Variants in PHYKPL observed in about 807,000 individuals in gnomAD.
PHYKPL encodes 5-phosphonooxy-L-lysine phospho-lyase.
Under a neutral mutation model 51.3 loss-of-function variants are expected in PHYKPL, and 42 were observed. The ratio of observed to expected loss-of-function variants is 0.82; its 90% CI spans 0.64 to 1.06. PHYKPL has a LOEUF of 1.06. Among genes scored for constraint, PHYKPL ranks in the 50% least tolerant of loss-of-function variants. PHYKPL has a pLI of 0.00. For synonymous variants in PHYKPL, 264 were observed against 236.0 expected (o/e 1.12, Z -1.09); for missense variants, 655 against 586.6 (o/e 1.12, Z -1.20).
At chr5:178,230,290 G>C in intron 2 of PHYKPL, 191 bp from the exon 3 acceptor site, 1 of 630,412 alleles carries the variant, frequency 1.6e-6, no homozygotes, top group East Asian at 2.9e-5. Flanking sequence ...GAGTTCCTGA[G>C]ATTCTGGCAG....
chr5:178,217,224 A>C (rs1174430164), intron 8 of PHYKPL, among the ~76,000 whole-genome samples: 2 of 142,018 alleles, frequency 1.4e-5, no homozygotes, highest in African/African-American at 5.6e-5. Context: ...GAGGCTCAAC[A>C]GATTTTTTTT....
chr5:178,219,740 G>A (rs1463604607), intron 8 of PHYKPL, among the ~76,000 whole-genome samples: 6 of 151,348 alleles, frequency 4.0e-5, no homozygotes, highest in South Asian at 2.1e-4. Context: ...GTGAGCCACC[G>A]CACCCGACCA....
intron 8 of PHYKPL, among the ~76,000 whole-genome samples, chr5:178,217,867 A>C (rs1033540851): frequency 6.7e-6 from 1 of 149,468 alleles, no homozygotes; most frequent in African/African-American, 2.5e-5. Flanking sequence ...CAGAAAAAAA[A>C]AAAAAAAGTC....
chr5:178,229,714 A>C (rs1350169036), intron 3 of PHYKPL: 1 of 491,072 alleles, frequency 2.0e-6, no homozygotes, highest in African/African-American at 1.9e-5. Flanking sequence ...AAGCTCCAGC[A>C]ATGATCCTAG....
At chr5:178,207,691 C>CTT (rs34424574), downstream of PHYKPL, among the ~76,000 whole-genome samples, 161 of 78,678 alleles carry the variant, frequency 2.0e-3, no homozygotes, top group African/African-American at 2.3e-3. Context: ...ACTTTGAGCA[C>CTT]TTTTTTTTTT....
chr5:178,231,093 C>A (rs1197698302), intron 2 of PHYKPL, among the ~76,000 whole-genome samples: 1 of 152,190 alleles, frequency 6.6e-6, no homozygotes, highest in Admixed American at 6.5e-5. Context: ...CTGCCATGAC[C>A]CCAGCACTTG....
At chr5:178,217,428 C>G (rs375559975) in intron 8 of PHYKPL, among the ~76,000 whole-genome samples, 2 of 151,814 alleles carry the variant, frequency 1.3e-5, no homozygotes, top group East Asian at 3.9e-4. Context: ...ACTGTGTTGG[C>G]CAGGCTGGTC....
Position 178,222,534 on chromosome 5 carries a change from C to G in PHYKPL, c.748G>C (p.Val250Leu). 3 of 1,614,258 alleles carry G rather than the reference C, an allele frequency of 1.9e-6. No homozygotes were observed. Among genetic ancestry groups the G allele is most frequent in the Non-Finnish European group, 1.7e-6 (2 of 1,180,050 alleles). Residue 250 changes from valine to leucine, a missense_variant, in exon 8 of 13, where the codon GTT (valine) becomes CTT (leucine). Val to Leu is a conservative substitution (Grantham distance 32). Transcript: ENST00000308158. ...TGCTTGCCTACCCGGCCAAAGCCAACCTGGATCTCATCTGCAACAAAGACC... is the reference window on the plus strand; with the variant it reads ...TGCTTGCCTACCCGGCCAAAGCCAAGCTGGATCTCATCTGCAACAAAGACC... ...GGVFVADEIQ[V>L]GFGRVGKHFW... is the part of the protein sequence containing the mutation.
chr5:178,211,864 A>C lies in PHYKPL; in HGVS notation c.*31+26T>G, dbSNP rs1406532528. ...GGTAAGGAACCCGCTGTGCATCTTC[A>C]AGAGTAAGAAGCAAGGCCCACTCAC... On this transcript the variant is annotated intron_variant, in intron 12 of 12. Transcript: ENST00000308158. 4.5e-6 allele frequency: 7 copies of C among 1,544,320 alleles called. No individual in the cohort carries two copies. In the Admixed American group the frequency reaches 1.0e-4, roughly 22 times the overall value.
Position 178,214,334 on chromosome 5 carries a change from G to A in PHYKPL, c.1172+462C>T, listed in dbSNP as rs1759292908. On this transcript the variant is annotated intron_variant, in intron 10 of 12. Coordinates refer to ENST00000308158, the MANE Select transcript of PHYKPL (RefSeq NM_153373.4). The stretch of plus-strand genomic sequence containing the variant: ...GGAGTCTGAGTTCTGAGACACCCCC[G>A]ACCCAGCTTAGGAGCAGGAGTCTTG... Among the ~76,000 whole-genome samples, 6 of 152,138 alleles carry A rather than the reference G, an allele frequency of 3.9e-5. No homozygotes were observed. The South Asian group carries it at 8.3e-4, about 21-fold the overall frequency.
chr5:178,219,400 G>T (rs191274501), intron 8 of PHYKPL, among the ~76,000 whole-genome samples: 1 of 149,416 alleles, frequency 6.7e-6, no homozygotes, highest in Non-Finnish European at 1.5e-5. Flanking sequence ...ATTAAGCACT[G>T]GTAACTCAAT....
chr5:178,211,932 G>C lies in PHYKPL; in HGVS notation c.1342C>G (p.Leu448Val). Reference protein sequence around the residue: ...EKVRSCETLRLQP With the variant: ...EKVRSCETLRVQP Reference sequence around the variant, plus strand: ...AGAGCAGGGCTGGCTTAGGGCTGGAGCCTCAGCGTTTCACAACTTCTCACC... The same window carrying C: ...AGAGCAGGGCTGGCTTAGGGCTGGACCCTCAGCGTTTCACAACTTCTCACC... Residue 448 changes from leucine to valine, a missense_variant, in exon 12 of 13, where the codon CTC (leucine) becomes GTC (valine). Coordinates refer to ENST00000308158, the MANE Select transcript of PHYKPL (RefSeq NM_153373.4). 6.2e-7 allele frequency: 1 copy of C among 1,614,172 alleles called. No homozygotes were observed. Among genetic ancestry groups the C allele is most frequent in the Non-Finnish European group, 8.5e-7 (1 of 1,179,998 alleles).
intron 8 of PHYKPL, among the ~76,000 whole-genome samples, chr5:178,218,206 A>G (rs1211660889): frequency 5.6e-5 from 7 of 124,654 alleles, no homozygotes; most frequent in South Asian, 2.7e-4. Flanking sequence ...GACAGAGCGA[A>G]ACTCCGTCTC....
intron 6 of PHYKPL, chr5:178,223,310 C>G (rs1451627412): frequency 4.4e-6 from 2 of 453,070 alleles, no homozygotes; most frequent in Admixed American, 2.4e-5. Flanking sequence ...TGCCCTCTGC[C>G]TGGACATGCC....
Position 178,214,866 on chromosome 5 carries a change from C to A in PHYKPL, c.1102G>T (p.Gly368Cys). ...GDVRGVGLFI[G>C]VDLIKDEATR... ...GCCTCATCTTTGATCAGATCCACAC[C>A]AATGAAGAGCCCAACACCCCTGCAA... The change falls in exon 10 of 13, where the codon GGT becomes TGT. Residue 368 changes from glycine to cysteine, a missense_variant. Transcript: ENST00000308158. 1 of 1,613,692 alleles carries A rather than the reference C, an allele frequency of 6.2e-7. No individual in the cohort carries two copies. The highest frequency in any genetic ancestry group is 8.5e-7 in the Non-Finnish European group (1 of 1,180,000).
intron 3 of PHYKPL, among the ~76,000 whole-genome samples, chr5:178,229,057 GC>G (rs1430877708): frequency 6.6e-6 from 1 of 151,580 alleles, no homozygotes; most frequent in African/African-American, 2.4e-5. Context: ...CTTTCCACAG[GC>G]AGTTCTGTGT....
intron 11 of PHYKPL, 73 bp downstream of exon 11, chr5:178,212,900 A>G: frequency 3.8e-6 from 6 of 1,582,162 alleles, no homozygotes; most frequent in Non-Finnish European, 5.2e-6. Context: ...TCCCTGTTCC[A>G]TGCTAGGAGG....
intron 1 of PHYKPL, 192 bp from the exon 2 acceptor site, chr5:178,231,715 G>T (rs1208174969): frequency 6.5e-7 from 1 of 1,543,848 alleles, no homozygotes; most frequent in South Asian, 1.2e-5. Context: ...AAGCAGATGG[G>T]GTAACAAGTC....
At chr5:178,212,354 G>A (rs935118428) in intron 11 of PHYKPL, among the ~76,000 whole-genome samples, 2 of 152,248 alleles carry the variant, frequency 1.3e-5, no homozygotes, top group East Asian at 1.9e-4. Flanking sequence ...GAGGGCACAG[G>A]TTGCTTGGCT....
Sources: allele counts gnomAD v4.1 joint callset (sites outside exome capture counted in the v4.1 genomes callset), GRCh38; gene constraint gnomAD v4.1.1; transcripts MANE v1.5; gene names NCBI Gene and HGNC (gene_info 2026-07-23, HGNC 2026-07-21).